The following WDR70 variants were observed in gnomAD, a reference collection of about 807,000 sequenced individuals.
The protein encoded by WDR70 is WD repeat-containing protein 70.
A neutral mutation model predicts 88.6 loss-of-function variants in WDR70; 53 were observed. The observed-to-expected ratio is 0.60, with a 90% CI of 0.48 to 0.75. WDR70 has a LOEUF of 0.75. Ranked by LOEUF, WDR70 falls within the 30% of genes least tolerant of loss-of-function variation. WDR70 has a pLI of 0.00. For synonymous variants in WDR70, 280 were observed against 270.0 expected (o/e 1.04, Z -0.36); for missense variants, 610 against 823.2 (o/e 0.74, Z 3.17).
chr5:37,451,207 C>T (rs1382604020), intron 7 of WDR70, among the ~76,000 whole-genome samples: 2 of 152,060 alleles, frequency 1.3e-5, no homozygotes, highest in African/African-American at 4.8e-5. Context: ...CTATTTTTTT[C>T]AAGAAAAGAC....
chr5:37,744,533 TA>T (rs1748585346), intron 17 of WDR70, among the ~76,000 whole-genome samples: 1 of 151,894 alleles, frequency 6.6e-6, no homozygotes, highest in African/African-American at 2.4e-5. Flanking sequence ...AGAAGCTTGA[TA>T]AAATGTTGGA....
At chr5:37,710,395 C>T (rs954956189) in intron 13 of WDR70, among the ~76,000 whole-genome samples, 1 of 152,098 alleles carries the variant, frequency 6.6e-6, no homozygotes, top group Non-Finnish European at 1.5e-5. Flanking sequence ...TAAGCCCTGG[C>T]ATTCACTGAT....
intron 7 of WDR70, among the ~76,000 whole-genome samples, chr5:37,476,763 G>A (rs1020513557): frequency 4.6e-5 from 7 of 152,246 alleles, no homozygotes; most frequent in Non-Finnish European, 1.0e-4. Flanking sequence ...TGTTAGCCAG[G>A]ATGGTCTCGA....
intron 13 of WDR70, among the ~76,000 whole-genome samples, chr5:37,708,225 G>A (rs1288451966): frequency 6.6e-6 from 1 of 150,708 alleles, no homozygotes; most frequent in Non-Finnish European, 1.5e-5. Flanking sequence ...CCTCATTCAT[G>A]TTCTCTAAAA....
In WDR70 at chr5:37,396,429, A is replaced by G. The variant is rs1435548649; in HGVS notation, c.351A>G (p.Leu117=). Reference sequence around the variant, plus strand: ...GTTCTGACTCTTCTGATGATGAGTTAATTGGCCCTCCTTTACCCCCTAAAA... The same window carrying G: ...GTTCTGACTCTTCTGATGATGAGTTGATTGGCCCTCCTTTACCCCCTAAAA... ...EQSSDSSDDE[L]IGPPLPPKMV... Residue 117 remains leucine, a synonymous_variant, in exon 5 of 18, where the codon TTA becomes TTG. Transcript: ENST00000265107. 6.2e-7 allele frequency: 1 copy of G among 1,613,912 alleles called. No individual in the cohort carries two copies. The highest frequency in any genetic ancestry group is 1.1e-5 in the South Asian group (1 of 91,060).
chr5:37,536,317 T>C (rs1283105586), intron 9 of WDR70, among the ~76,000 whole-genome samples: 1 of 152,210 alleles, frequency 6.6e-6, no homozygotes, highest in African/African-American at 2.4e-5. Flanking sequence ...TCCTAATATA[T>C]GGCTTTTGTT....
intron 8 of WDR70, among the ~76,000 whole-genome samples, chr5:37,484,005 G>A (rs1561870222): frequency 1.3e-5 from 2 of 152,004 alleles, no homozygotes; most frequent in African/African-American, 4.8e-5. Context: ...TGGGCGGCCG[G>A]GCAGAGACGC....
intron 3 of WDR70, among the ~76,000 whole-genome samples, chr5:37,384,073 T>C (rs138026937): frequency 0.045 from 6,874 of 151,816 alleles, 527 homozygotes; most frequent in African/African-American, 0.16. Context: ...CTTAAAACGA[T>C]AAGGATTGTT....
chr5:37,479,763 A>C, intron 7 of WDR70, 71 bp from the exon 8 acceptor site: 2 of 1,478,754 alleles, frequency 1.4e-6, no homozygotes, highest in South Asian at 1.4e-5. Flanking sequence ...TTTTTCTGGC[A>C]ATACTTAATG....
chr5:37,733,397 C>A (rs1467951542), intron 17 of WDR70, among the ~76,000 whole-genome samples: 1 of 152,058 alleles, frequency 6.6e-6, no homozygotes, highest in Non-Finnish European at 1.5e-5. Context: ...TTTGAGAGAA[C>A]CATTTTTCAA....
At chr5:37,457,071 GACTTTTTTTTCCGCATAAC>G in intron 7 of WDR70, among the ~76,000 whole-genome samples, 2 of 152,220 alleles carry the variant, frequency 1.3e-5, no homozygotes, top group Middle Eastern at 6.8e-3. Context: ...TAAATGACCA[GACTTTTTTTTCCGCATAAC>G]ACTTTGATAA....
intron 10 of WDR70, among the ~76,000 whole-genome samples, chr5:37,621,955 A>T (rs1002779270): frequency 1.6e-4 from 25 of 152,294 alleles, no homozygotes; most frequent in African/African-American, 6.0e-4. Context: ...ATGGCTAGCC[A>T]GTTTTCCCAG....
At position 37,605,030 on chromosome 5, in the gene WDR70, T is replaced by A. The variant is rs760383387; in HGVS notation, c.918-34T>A. ...ACCTCCCCCCTCCTTCTTTTTTTTTTTAAATAAATGAAAAATCTCCTGATC... is the reference window on the plus strand; with the variant it reads ...ACCTCCCCCCTCCTTCTTTTTTTTTATAAATAAATGAAAAATCTCCTGATC... On this transcript the variant is annotated intron_variant, in intron 9 of 17. Coordinates refer to ENST00000265107, the MANE Select transcript of WDR70 (RefSeq NM_018034.4). 3.9e-5 allele frequency: 59 copies of A among 1,527,940 alleles called. No homozygotes were observed. The South Asian group carries it at 5.1e-4, about 13-fold the overall frequency. 94.6% of individuals were successfully genotyped at this position (1,527,940 alleles called of 1,614,324 possible).
chr5:37,679,843 G>C (rs952367529), intron 10 of WDR70, among the ~76,000 whole-genome samples: 4 of 152,250 alleles, frequency 2.6e-5, no homozygotes, highest in African/African-American at 9.6e-5. Context: ...AGAGGTGGAG[G>C]CTGCAGAGGC....
At chr5:37,637,050 A>T (rs1046050665) in intron 10 of WDR70, among the ~76,000 whole-genome samples, 2 of 152,140 alleles carry the variant, frequency 1.3e-5, no homozygotes, top group Admixed American at 1.3e-4. Context: ...TTTTAAAATG[A>T]AGAATTTTAG....
At chr5:37,508,714 A>G (rs946175832) in intron 8 of WDR70, among the ~76,000 whole-genome samples, 3 of 152,066 alleles carry the variant, frequency 2.0e-5, no homozygotes, top group African/African-American at 4.8e-5. Flanking sequence ...CTTAGCTTTT[A>G]TGTTGATGAG....
At chr5:37,569,999 A>C (rs1418230532) in intron 9 of WDR70, among the ~76,000 whole-genome samples, 1 of 152,218 alleles carries the variant, frequency 6.6e-6, no homozygotes, top group Non-Finnish European at 1.5e-5. Flanking sequence ...GAGTATGATT[A>C]GAAACCAGGT....
At chr5:37,752,392 C>T (rs1748839922) in intron 17 of WDR70, 94 bp from the exon 18 acceptor site, 2 of 759,162 alleles carry the variant, frequency 2.6e-6, no homozygotes, top group Non-Finnish European at 4.3e-6. Context: ...ATTTATTCCC[C>T]ACATTTGCTC....
At chr5:37,453,281 C>G (rs1738729340) in intron 7 of WDR70, among the ~76,000 whole-genome samples, 1 of 152,158 alleles carries the variant, frequency 6.6e-6, no homozygotes, top group Admixed American at 6.6e-5. Flanking sequence ...GCCTTCAGAG[C>G]TGAGAGCCCC....
Sources: allele counts gnomAD v4.1 joint callset (sites outside exome capture counted in the v4.1 genomes callset), GRCh38; gene constraint gnomAD v4.1.1; transcripts MANE v1.5; gene names NCBI Gene and HGNC (gene_info 2026-07-23, HGNC 2026-07-21).